PFKFB1: variants seen among roughly 807,000 people sequenced by gnomAD.
The protein encoded by PFKFB1 is 6-phosphofructo-2-kinase/fructose-2,6-bisphosphatase 1.
A neutral mutation model predicts 46.4 loss-of-function variants in PFKFB1; 34 were observed. That is an observed-to-expected ratio of 0.73 (90% CI 0.56 to 0.98). The LOEUF is 0.98. PFKFB1 is among the 50% of genes least tolerant of loss of function. The pLI, the probability that PFKFB1 is intolerant of heterozygous loss-of-function variation, is 0.00. For synonymous variants in PFKFB1, 119 were observed against 133.8 expected (o/e 0.89, Z 0.76); for missense variants, 393 against 376.3 (o/e 1.04, Z -0.37).
intron 10 of PFKFB1, among the ~76,000 whole-genome samples, chrX:54,939,272 A>G (rs1239579103): frequency 1.8e-5 from 2 of 111,856 alleles, no homozygotes; most frequent in Non-Finnish European, 1.9e-5. Context: ...ATAGCACTAA[A>G]TGCCCACAAC....
chrX:54,939,263 T>C (rs1442197557), intron 10 of PFKFB1, among the ~76,000 whole-genome samples: 3 of 111,591 alleles, frequency 2.7e-5, no homozygotes, highest in Admixed American at 1.9e-4. Context: ...GGGAAATTTA[T>C]AGCACTAAAT....
At chrX:54,956,834 A>G (rs891803892) in intron 6 of PFKFB1, among the ~76,000 whole-genome samples, 1 of 110,075 alleles carries the variant, frequency 9.1e-6, no homozygotes, top group African/African-American at 3.3e-5. Flanking sequence ...CTTAGCAGGT[A>G]CCAAATCCTC....
chrX:54,955,167 G>A (rs191598797), intron 7 of PFKFB1, among the ~76,000 whole-genome samples: 19 of 111,882 alleles, frequency 1.7e-4, no homozygotes, highest in African/African-American at 5.2e-4. Context: ...ATATGGGTTC[G>A]AGTATATATT....
At chrX:54,994,916 T>C, upstream of PFKFB1, 4 of 689,722 alleles carry the variant, frequency 5.8e-6, no homozygotes, top group Non-Finnish European at 6.9e-6. Flanking sequence ...CCCACATGGC[T>C]GTTAGCCACC....
chrX:54,988,776 G>A (rs1303492108), intron 1 of PFKFB1, among the ~76,000 whole-genome samples: 1 of 111,782 alleles, frequency 8.9e-6, no homozygotes, highest in East Asian at 2.8e-4. Context: ...TAGGACAACT[G>A]GATAGCCACA....
chrX:54,974,606 A>G (rs1162965490), intron 1 of PFKFB1, among the ~76,000 whole-genome samples: 1 of 112,124 alleles, frequency 8.9e-6, no homozygotes, highest in Non-Finnish European at 1.9e-5. Flanking sequence ...AATAAATGGG[A>G]CATAATTAAA....
At chrX:54,980,389 C>T (rs754986738) in intron 1 of PFKFB1, among the ~76,000 whole-genome samples, 2 of 108,486 alleles carry the variant, frequency 1.8e-5, no homozygotes, top group East Asian at 6.0e-4. Flanking sequence ...TGTTTCTTCT[C>T]TGGGCCATTG....
At chrX:54,982,004 A>G (rs1239756121) in intron 1 of PFKFB1, among the ~76,000 whole-genome samples, 1 of 111,606 alleles carries the variant, frequency 9.0e-6, no homozygotes, top group Non-Finnish European at 1.9e-5. Flanking sequence ...ACAACTTTAC[A>G]CTTGTAAATT....
At chrX:54,970,494 A>T (rs1482801742) in intron 1 of PFKFB1, among the ~76,000 whole-genome samples, 2 of 36,068 alleles carry the variant, frequency 5.5e-5, no homozygotes, top group South Asian at 3.5e-3. Flanking sequence ...CCCTCCCCCC[A>T]CCCCACAACA....
At chrX:54,950,230 G>A (rs1325184769) in intron 8 of PFKFB1, among the ~76,000 whole-genome samples, 1 of 112,445 alleles carries the variant, frequency 8.9e-6, no homozygotes, top group Non-Finnish European at 1.9e-5. Flanking sequence ...CCTGAGTCAG[G>A]AGTCAGCGTG....
intron 7 of PFKFB1, among the ~76,000 whole-genome samples, chrX:54,954,823 T>C (rs747185220): frequency 5.3e-5 from 6 of 112,263 alleles, no homozygotes; most frequent in Non-Finnish European, 7.5e-5. Context: ...AGACTGTAAA[T>C]GTCTGTTGAT....
At chrX:54,944,627 G>A (rs974872789) in intron 10 of PFKFB1, among the ~76,000 whole-genome samples, 1 of 111,741 alleles carries the variant, frequency 8.9e-6, no homozygotes, top group African/African-American at 3.2e-5. Flanking sequence ...AAGGATTATC[G>A]AGGAGAAAGA....
intron 7 of PFKFB1, 58 bp downstream of exon 7, chrX:54,956,095 C>T (rs1427616781): frequency 8.6e-6 from 7 of 813,441 alleles, no homozygotes; most frequent in African/African-American, 4.1e-5. Flanking sequence ...CTAGGTTCTA[C>T]AGGATATCAA....
chrX:54,980,356 T>C (rs1218836184), intron 1 of PFKFB1, among the ~76,000 whole-genome samples: 1 of 105,462 alleles, frequency 9.5e-6, no homozygotes, highest in Non-Finnish European at 2.0e-5. Flanking sequence ...TGTGTGTTTA[T>C]TGAGTGGCAA....
At chrX:54,961,202 C>T (rs1934303907) in intron 2 of PFKFB1, among the ~76,000 whole-genome samples, 2 of 110,342 alleles carry the variant, frequency 1.8e-5, no homozygotes, top group Non-Finnish European at 3.8e-5. Flanking sequence ...GAGATCAAAC[C>T]CAGGTCTATT....
chrX:54,941,438 C>T (rs184466013), intron 10 of PFKFB1, among the ~76,000 whole-genome samples: 1 of 111,815 alleles, frequency 8.9e-6, no homozygotes, highest in African/African-American at 3.3e-5. Flanking sequence ...AAGAAACTAC[C>T]ATCAGAGTGA....
Position 54,934,953 on chromosome X carries a change from C to G in PFKFB1, c.1285G>C (p.Ala429Pro). The change falls in exon 12 of 14, where the codon GCT (alanine) becomes CCT (proline). Residue 429 changes from alanine to proline, a missense_variant. By Grantham distance (27) the Ala-to-Pro change is conservative. Transcript: ENST00000375006. ...LHTVLKLTPV[A>P]YGCKVESIYL... is the part of the protein sequence containing the mutation. ...TCAGGGTGGGAGTACTTACCATAAGCCACAGGAGTGAGTTTGAGCACTGTG... is the reference window on the plus strand; with the variant it reads ...TCAGGGTGGGAGTACTTACCATAAGGCACAGGAGTGAGTTTGAGCACTGTG... 1 of 1,203,370 alleles carries G rather than the reference C, an allele frequency of 8.3e-7. No individual in the cohort carries two copies. The highest frequency in any genetic ancestry group is 3.0e-5 in the East Asian group (1 of 33,771).
chrX:54,989,363 AATTACCAGGT>A (rs1935183064), intron 1 of PFKFB1, among the ~76,000 whole-genome samples: 1 of 111,852 alleles, frequency 8.9e-6, no homozygotes, highest in African/African-American at 3.2e-5. Flanking sequence ...AATGATACCA[AATTACCAGGT>A]ATTACCAGAG....
At chrX:54,976,122 C>A (rs924221246) in intron 1 of PFKFB1, among the ~76,000 whole-genome samples, 1 of 109,888 alleles carries the variant, frequency 9.1e-6, no homozygotes, top group Non-Finnish European at 1.9e-5. Flanking sequence ...TTTTTATTTA[C>A]GAAAAATTTT....
Sources: allele counts gnomAD v4.1 joint callset (sites outside exome capture counted in the v4.1 genomes callset), GRCh38; gene constraint gnomAD v4.1.1; transcripts MANE v1.5; gene names NCBI Gene and HGNC (gene_info 2026-07-23, HGNC 2026-07-21).